Variants in BPNT2 observed in about 807,000 individuals in gnomAD.
BPNT2 encodes the protein 3'(2'), 5'-bisphosphate nucleotidase 2, also known as Golgi-resident adenosine 3',5'-bisphosphate 3'-phosphatase.
Under a neutral mutation model 29.3 loss-of-function variants are expected in BPNT2, and 11 were observed. The observed-to-expected ratio is 0.38, with a 90% confidence interval of 0.24 to 0.62. The LOEUF is 0.62. Ranked by LOEUF, BPNT2 falls within the 20% of genes least tolerant of loss-of-function variation. The pLI, the probability that BPNT2 is intolerant of heterozygous loss-of-function variation, is 0.62. For synonymous variants in BPNT2, 195 were observed against 187.7 expected (o/e 1.04, Z -0.32); for missense variants, 459 against 473.4 (o/e 0.97, Z 0.28).
In BPNT2 at chr8:56,962,300, A is replaced by G. The variant is rs530391637; in HGVS notation, c.*1493T>C. 25 of 152,334 alleles carry G rather than the reference A, an allele frequency of 1.6e-4. No homozygotes were observed. The highest frequency in any genetic ancestry group is 1.6e-3 in the Admixed American group (25 of 15,304). 9.4% of individuals were successfully genotyped at this position (152,334 alleles called of 1,614,324 possible). Reference sequence around the variant, plus strand: ...TTTGGACAATGTAACATACAAACCTAAAGTATGCACATTCCACCAGGCTAG... The same window carrying G: ...TTTGGACAATGTAACATACAAACCTGAAGTATGCACATTCCACCAGGCTAG... On this transcript the variant is annotated 3_prime_UTR_variant, in exon 5 of 5. Transcript: ENST00000262644.
chr8:56,978,149 T>A lies in BPNT2; in HGVS notation c.551-4A>T, dbSNP rs779936954. The A allele has an allele frequency of 2.5e-6, 4 of 1,583,102 alleles. No homozygotes were observed. Among genetic ancestry groups the A allele is most frequent in the Admixed American group, 1.7e-5 (1 of 59,954 alleles). On this transcript the variant is annotated splice_region_variant and splice_polypyrimidine_tract_variant and intron_variant, in intron 2 of 4. Transcript: ENST00000262644. ...GTGACGTACTTTCGAAGATCCTCTA[T>A]GAGAAAAAAAACAAAACAACACACA...
intron 1 of BPNT2, among the ~76,000 whole-genome samples, 189 bp downstream of exon 1, chr8:56,993,010 T>C (rs1455340598): frequency 6.6e-6 from 1 of 152,174 alleles, no homozygotes; most frequent in Non-Finnish European, 1.5e-5. Flanking sequence ...GCACGGGCCC[T>C]GAGTCAGACT....
At chr8:56,990,667 G>T (rs1434063282) in intron 1 of BPNT2, among the ~76,000 whole-genome samples, 1 of 152,098 alleles carries the variant, frequency 6.6e-6, no homozygotes, top group Non-Finnish European at 1.5e-5. Context: ...GTGCATTATA[G>T]GATGTTTACC....
intron 1 of BPNT2, among the ~76,000 whole-genome samples, chr8:56,980,446 C>T (rs962483208): frequency 9.2e-5 from 14 of 151,762 alleles, no homozygotes; most frequent in African/African-American, 9.7e-5. Flanking sequence ...ACAGATAATT[C>T]GGATATAGAG....
At chr8:56,978,876 C>A (rs999034324) in intron 2 of BPNT2, among the ~76,000 whole-genome samples, 2 of 152,112 alleles carry the variant, frequency 1.3e-5, no homozygotes, top group African/African-American at 4.8e-5. Context: ...ACACCACACA[C>A]TGGGGCCTTT....
intron 4 of BPNT2, 170 bp from the exon 5 acceptor site, chr8:56,964,234 G>A: frequency 1.8e-6 from 1 of 568,608 alleles, no homozygotes; most frequent in Non-Finnish European, 3.1e-6. Context: ...AAATTTTAAA[G>A]TAACTGTATA....
At position 56,963,960 on chromosome 8, in the gene BPNT2, T is replaced by C; in HGVS notation, c.913A>G (p.Asn305Asp). 6 of 1,613,950 alleles carry C rather than the reference T, an allele frequency of 3.7e-6. No homozygotes were observed. The highest frequency in any genetic ancestry group is 5.1e-6 in the Non-Finnish European group (6 of 1,179,946). The change falls in exon 5 of 5, where the codon AAT becomes GAT. Residue 305 changes from asparagine to aspartate, a missense_variant. Coordinates refer to ENST00000262644, the MANE Select transcript of BPNT2 (RefSeq NM_017813.5). ...YIKKWDICAGNAILKALGGHM... is the reference protein window; with the variant it reads ...YIKKWDICAGDAILKALGGHM... ...CCCCCTAGGGCTTTTAAGATGGCAT[T>C]ACCAGCACATATATCCCACTTTTTG...
intron 4 of BPNT2, among the ~76,000 whole-genome samples, chr8:56,965,311 C>T (rs1251177838): frequency 6.6e-6 from 1 of 151,878 alleles, no homozygotes; most frequent in Admixed American, 6.6e-5. Context: ...AGAATGAGAC[C>T]CTATCTCAAA....
rs1462288352 is a variant in BPNT2, at chr8:56,963,185, C to G, written c.*608G>C. 1 of 152,656 alleles carries G rather than the reference C, an allele frequency of 6.6e-6. No homozygotes were observed. The highest frequency in any genetic ancestry group is 1.5e-5 in the Non-Finnish European group (1 of 68,280). 9.5% of individuals were successfully genotyped at this position (152,656 alleles called of 1,614,324 possible). ...TATTACAATGCAAATCATCATGTGTCTCTATTTTCTACCAGCTGGTGAACC... is the reference window on the plus strand; with the variant it reads ...TATTACAATGCAAATCATCATGTGTGTCTATTTTCTACCAGCTGGTGAACC... On this transcript the variant is annotated 3_prime_UTR_variant, in exon 5 of 5. Coordinates refer to ENST00000262644, the MANE Select transcript of BPNT2 (RefSeq NM_017813.5).
At chr8:56,986,579 C>T (rs189771887) in intron 1 of BPNT2, among the ~76,000 whole-genome samples, 1 of 152,168 alleles carries the variant, frequency 6.6e-6, no homozygotes, top group Admixed American at 6.5e-5. Context: ...AATTGAGAAG[C>T]ATTTGTACTG....
intron 2 of BPNT2, among the ~76,000 whole-genome samples, chr8:56,978,394 A>G (rs1806181861): frequency 6.6e-6 from 1 of 152,158 alleles, no homozygotes; most frequent in Non-Finnish European, 1.5e-5. Flanking sequence ...GTCAAAAAAT[A>G]ACAGATGCAA....
At chr8:56,993,077 C>A in intron 1 of BPNT2, 122 bp downstream of exon 1, 1 of 1,522,172 alleles carries the variant, frequency 6.6e-7, no homozygotes, top group South Asian at 1.2e-5. Context: ...ACGTTAACTT[C>A]TGCGTCTCAA....
Position 56,966,068 on chromosome 8 carries a change from T to C in BPNT2, c.808+123A>G, listed in dbSNP as rs1035430237. The C allele has an allele frequency of 6.7e-6, 7 of 1,050,364 alleles. No homozygotes were observed. The African/African-American group carries it at 1.1e-4, about 16-fold the overall frequency. 65.1% of individuals were successfully genotyped at this position (1,050,364 alleles called of 1,614,324 possible). A position where few individuals can be genotyped will look rare whatever the true frequency, so the allele number is the denominator to read the frequency against. On this transcript the variant is annotated intron_variant, in intron 4 of 4. Transcript: ENST00000262644. Reference sequence around the variant, plus strand: ...GTTACCAAACAGGAGACCAAGCCTGTCTTGAAAGTACACCACTCCTCCTCA... The same window carrying C: ...GTTACCAAACAGGAGACCAAGCCTGCCTTGAAAGTACACCACTCCTCCTCA...
intron 3 of BPNT2, among the ~76,000 whole-genome samples, chr8:56,976,310 T>C (rs1806132028): frequency 1.3e-5 from 2 of 152,180 alleles, no homozygotes; most frequent in African/African-American, 4.8e-5. Context: ...GCTTATATAC[T>C]GTCTGTTAGA....
At chr8:56,986,071 G>A (rs1806323311) in intron 1 of BPNT2, among the ~76,000 whole-genome samples, 1 of 152,144 alleles carries the variant, frequency 6.6e-6, no homozygotes, top group Admixed American at 6.5e-5. Flanking sequence ...TCTGAGAATT[G>A]GAGGATGTCG....
intron 1 of BPNT2, among the ~76,000 whole-genome samples, chr8:56,987,268 G>A (rs1806340542): frequency 6.6e-6 from 1 of 152,156 alleles, no homozygotes; most frequent in African/African-American, 2.4e-5. Flanking sequence ...CAACTTGACT[G>A]GATTATGGAA....
At chr8:56,979,989 AC>A (rs1431579901) in intron 2 of BPNT2, 45 bp downstream of exon 2, 1 of 1,582,480 alleles carries the variant, frequency 6.3e-7, no homozygotes, top group Non-Finnish European at 8.7e-7. Context: ...CTGGTTCTCT[AC>A]TACTAAACGT....
chr8:56,972,878 C>G (rs943455006), intron 3 of BPNT2, among the ~76,000 whole-genome samples: 1 of 151,512 alleles, frequency 6.6e-6, no homozygotes, highest in Admixed American at 6.6e-5. Flanking sequence ...AAAAAGGGGC[C>G]ACAAAATACA....
At chr8:56,980,275 C>A (rs1422738284) in intron 1 of BPNT2, 78 bp from the exon 2 acceptor site, 4 of 1,078,300 alleles carry the variant, frequency 3.7e-6, no homozygotes, top group Non-Finnish European at 2.9e-6. Context: ...GTATTTCAGA[C>A]AACAATCACC....
Sources: gnomAD v4.1 joint callset for allele counts (sites outside exome capture counted in the v4.1 genomes callset) on GRCh38, gnomAD v4.1.1 for gene constraint, MANE v1.5 for transcripts, NCBI Gene and HGNC (gene_info 2026-07-23, HGNC 2026-07-21) for gene names.